CLSTN2: variants seen among roughly 807,000 people sequenced by gnomAD.
CLSTN2 encodes the protein calsyntenin 2, also known as calsyntenin-2.
A neutral mutation model predicts 101.2 loss-of-function variants in CLSTN2; 48 were observed. That is an observed-to-expected ratio of 0.47 (90% CI 0.38 to 0.60). The LOEUF is 0.60. Among genes scored for constraint, CLSTN2 ranks in the 20% least tolerant of loss-of-function variants. The pLI, the probability that CLSTN2 is intolerant of heterozygous loss-of-function variation, is 0.00. For synonymous variants in CLSTN2, 481 were observed against 463.6 expected, an observed-to-expected ratio of 1.04 and a Z score of -0.48; for missense variants, 1,160 against 1,238.2, an observed-to-expected ratio of 0.94 and a Z score of 0.95.
chr3:140,200,960 C>T (rs192251954), intron 2 of CLSTN2, among the ~76,000 whole-genome samples: 2 of 152,254 alleles, frequency 1.3e-5, no homozygotes, highest in African/African-American at 4.8e-5. Flanking sequence ...CTGCTTGTTC[C>T]CCTAGGAGTC....
At chr3:140,305,814 T>TG (rs2087109040) in intron 2 of CLSTN2, among the ~76,000 whole-genome samples, 1 of 152,054 alleles carries the variant, frequency 6.6e-6, no homozygotes, top group African/African-American at 2.4e-5. Flanking sequence ...ATCATGAATA[T>TG]GGGTTTTTTT....
At chr3:139,941,274 G>A (rs1306173980) in intron 1 of CLSTN2, among the ~76,000 whole-genome samples, 1 of 152,076 alleles carries the variant, frequency 6.6e-6, no homozygotes, top group Non-Finnish European at 1.5e-5. Flanking sequence ...GTAGGACAGA[G>A]GATCATGCTC....
At chr3:140,087,357 T>C (rs1048448688) in intron 1 of CLSTN2, among the ~76,000 whole-genome samples, 19 of 152,232 alleles carry the variant, frequency 1.2e-4, no homozygotes, top group African/African-American at 4.3e-4. Flanking sequence ...GTTAAACATA[T>C]GAATTGTAGC....
chr3:140,276,614 G>A (rs1376413012), intron 2 of CLSTN2, among the ~76,000 whole-genome samples: 1 of 152,158 alleles, frequency 6.6e-6, no homozygotes, highest in African/African-American at 2.4e-5. Context: ...ACAGGTTACT[G>A]CTGTGGGTAT....
intron 1 of CLSTN2, among the ~76,000 whole-genome samples, chr3:140,080,713 A>G (rs1231681262): frequency 1.3e-5 from 2 of 152,184 alleles, no homozygotes; most frequent in Non-Finnish European, 2.9e-5. Context: ...CTCATCAGCC[A>G]TCAATGAGGA....
At chr3:140,501,182 C>T (rs897959600) in intron 8 of CLSTN2, among the ~76,000 whole-genome samples, 17 of 152,204 alleles carry the variant, frequency 1.1e-4, no homozygotes, top group African/African-American at 4.1e-4. Flanking sequence ...TCTCTCTCTC[C>T]TGCATACTTT....
chr3:140,483,073 G>T (rs939655396), intron 8 of CLSTN2, among the ~76,000 whole-genome samples: 2 of 151,830 alleles, frequency 1.3e-5, no homozygotes, highest in African/African-American at 4.8e-5. Context: ...TTCTCTTGTG[G>T]GCATTTAGTG....
At chr3:140,455,951 G>T (rs552553117) in intron 6 of CLSTN2, among the ~76,000 whole-genome samples, 1 of 152,316 alleles carries the variant, frequency 6.6e-6, no homozygotes, top group Admixed American at 6.5e-5. Context: ...GAAGACAAAA[G>T]AGCCCCACCT....
intron 2 of CLSTN2, among the ~76,000 whole-genome samples, chr3:140,329,896 G>A (rs2087365547): frequency 6.6e-6 from 1 of 152,200 alleles, no homozygotes; most frequent in Non-Finnish European, 1.5e-5. Flanking sequence ...AAGAGCCAGG[G>A]CCAAGTTGGT....
At chr3:140,466,389 A>G (rs931454208) in intron 7 of CLSTN2, among the ~76,000 whole-genome samples, 1 of 152,164 alleles carries the variant, frequency 6.6e-6, no homozygotes, top group African/African-American at 2.4e-5. Flanking sequence ...CTTCTCAGCA[A>G]GAGTTTGGCT....
intron 1 of CLSTN2, among the ~76,000 whole-genome samples, chr3:140,149,798 T>C (rs906087833): frequency 1.3e-5 from 2 of 152,214 alleles, no homozygotes. Flanking sequence ...CAGACTATTG[T>C]ATAAACATAC....
At chr3:140,439,076 C>G (rs2088716917) in intron 5 of CLSTN2, among the ~76,000 whole-genome samples, 2 of 152,190 alleles carry the variant, frequency 1.3e-5, no homozygotes, top group Non-Finnish European at 2.9e-5. Flanking sequence ...AGATCAGAGA[C>G]TTGGTGGGTA....
intron 1 of CLSTN2, among the ~76,000 whole-genome samples, chr3:139,950,591 A>G (rs1226310864): frequency 6.6e-6 from 1 of 152,234 alleles, no homozygotes; most frequent in African/African-American, 2.4e-5. Flanking sequence ...AAACATAAAG[A>G]ATCATGAACT....
At chr3:140,004,859 T>C (rs2006922329) in intron 1 of CLSTN2, among the ~76,000 whole-genome samples, 2 of 151,926 alleles carry the variant, frequency 1.3e-5, no homozygotes. Flanking sequence ...GTATAAAAAT[T>C]GCAGATGAGT....
At position 140,566,319 on chromosome 3, in the gene CLSTN2, G is replaced by A; in HGVS notation, c.*66G>A. ...AAACCCTGACCCAGTGTATGCCCAT[G>A]TCTATCATACCTCACCTCTGATGTC... On this transcript the variant is annotated 3_prime_UTR_variant, in exon 17 of 17. Transcript: ENST00000458420. 1 of 1,440,900 alleles carries A rather than the reference G, an allele frequency of 6.9e-7. No homozygotes were observed. Among genetic ancestry groups the A allele is most frequent in the Non-Finnish European group, 9.5e-7 (1 of 1,048,946 alleles). The allele number at this position is 1,440,900 out of a possible 1,614,324, so 89.3% of individuals were successfully genotyped here.
chr3:140,525,990 G>A lies in CLSTN2; in HGVS notation c.1345-6334G>A, dbSNP rs551887908. Among the ~76,000 whole-genome samples the A allele has an allele frequency of 5.4e-3, 828 of 152,092 alleles. 6 individuals are homozygous for A. Among genetic ancestry groups the A allele is most frequent in the African/African-American group, 0.019 (777 of 41,508 alleles). ...ATACTAAATGGAGAAAAGCCCAAGA[G>A]GAACCTTTCCCCTTGAGAACTAGAA... On this transcript the variant is annotated intron_variant, in intron 8 of 16. Transcript: ENST00000458420.
intron 8 of CLSTN2, among the ~76,000 whole-genome samples, chr3:140,504,351 T>C (rs1206990090): frequency 6.6e-6 from 1 of 151,972 alleles, no homozygotes; most frequent in African/African-American, 2.4e-5. Flanking sequence ...ATTCAAGGAA[T>C]ATTTTTCTCA....
chr3:140,342,361 C>A lies in CLSTN2; in HGVS notation c.233-61268C>A, dbSNP rs2107936870. ...CCCTTGGGGGACAAAATCGCTCTCA[C>A]TTGAGAACCACTTTTCTAAAGGGAT... On this transcript the variant is annotated intron_variant, in intron 2 of 16. Coordinates refer to ENST00000458420, the MANE Select transcript of CLSTN2 (RefSeq NM_022131.3). Among the ~76,000 whole-genome samples, 2 of 152,206 alleles carry A rather than the reference C, an allele frequency of 1.3e-5. 1 individual carries two copies. Among genetic ancestry groups the A allele is most frequent in the Middle Eastern group, 6.8e-3 (2 of 294 alleles).
At chr3:140,542,263 T>C (rs1264500821) in intron 9 of CLSTN2, among the ~76,000 whole-genome samples, 1 of 152,212 alleles carries the variant, frequency 6.6e-6, no homozygotes, top group African/African-American at 2.4e-5. Flanking sequence ...GTCAATATGT[T>C]ATTCTCTCAA....
Sources: allele counts gnomAD v4.1 joint callset (sites outside exome capture counted in the v4.1 genomes callset), GRCh38; gene constraint gnomAD v4.1.1; transcripts MANE v1.5; gene names NCBI Gene and HGNC (gene_info 2026-07-23, HGNC 2026-07-21).